AMMECR1: variants seen among roughly 807,000 people sequenced by gnomAD.
AMMECR1 encodes nuclear protein AMMECR1.
Under a neutral mutation model 22.5 loss-of-function variants are expected in AMMECR1, and 3 were observed. The observed-to-expected ratio is 0.13, with a 90% CI of 0.06 to 0.35. The LOEUF is 0.35. AMMECR1 is among the 10% of genes least tolerant of loss of function. The pLI is 1.00. For missense variants in AMMECR1, 235 were observed against 278.7 expected (o/e 0.84, Z 1.12); for synonymous variants, 130 against 116.7 (o/e 1.11, Z -0.74).
intron 2 of AMMECR1, among the ~76,000 whole-genome samples, chrX:110,225,375 T>C (rs764217078): frequency 1.8e-5 from 2 of 112,520 alleles, no homozygotes; most frequent in African/African-American, 3.2e-5. Context: ...CCTTGCATTA[T>C]CACTGTTATC....
rs1160180909 is a variant in AMMECR1 at position 110,228,326 on chromosome X, A to T, written c.585-11694T>A. On this transcript the variant is annotated intron_variant, in intron 2 of 5. Coordinates refer to ENST00000262844, the MANE Select transcript of AMMECR1 (RefSeq NM_015365.3). ...GTGTCCTCCAAGAACAAGGCCCCCT[A>T]AAGTCATGGGGTCAAGCAAATGTCA... is the stretch of plus-strand genomic sequence containing the variant. Among the ~76,000 whole-genome samples the T allele has an allele frequency of 3.6e-5, 4 of 111,346 alleles. No homozygotes were observed. The Admixed American group carries it at 3.8e-4, about 11-fold the overall frequency.
At chrX:110,247,993 G>A (rs2067667890) in intron 2 of AMMECR1, among the ~76,000 whole-genome samples, 2 of 111,889 alleles carry the variant, frequency 1.8e-5, no homozygotes, top group African/African-American at 6.5e-5. Context: ...TTAAAAGAAT[G>A]CATCATAAAA....
intron 1 of AMMECR1, among the ~76,000 whole-genome samples, chrX:110,302,790 C>A (rs1261787666): frequency 9.0e-6 from 1 of 110,631 alleles, no homozygotes; most frequent in Admixed American, 9.6e-5. Context: ...AGGAGAATTG[C>A]TTGAACCCAG....
chrX:110,287,286 G>A (rs1428841089), intron 1 of AMMECR1, among the ~76,000 whole-genome samples: 1 of 112,349 alleles, frequency 8.9e-6, no homozygotes, highest in Non-Finnish European at 1.9e-5. Flanking sequence ...GACTGAGGAG[G>A]AGTCGTTGAA....
At chrX:110,381,507 C>T (rs1269794038) in intron 2 of AMMECR1, among the ~76,000 whole-genome samples, 1 of 111,797 alleles carries the variant, frequency 8.9e-6, no homozygotes, top group Non-Finnish European at 1.9e-5. Flanking sequence ...CTGTGGAAAG[C>T]AGTTAAAGAT....
chrX:110,359,130 G>A (rs147449796), intron 2 of AMMECR1, among the ~76,000 whole-genome samples: 2 of 110,871 alleles, frequency 1.8e-5, no homozygotes, highest in Non-Finnish European at 3.8e-5. Flanking sequence ...TCACATAGCT[G>A]GTTAAGTGCC....
At chrX:110,221,745 G>A (rs1236801574) in intron 2 of AMMECR1, among the ~76,000 whole-genome samples, 1 of 110,971 alleles carries the variant, frequency 9.0e-6, no homozygotes, top group Non-Finnish European at 1.9e-5. Flanking sequence ...GAAGATAGGA[G>A]AGAAAGAAAG....
chrX:110,347,588 C>G (rs2068195790), intron 2 of AMMECR1, among the ~76,000 whole-genome samples: 2 of 112,789 alleles, frequency 1.8e-5, no homozygotes, highest in Non-Finnish European at 3.7e-5. Context: ...ACCTTATTAT[C>G]TGTATTTGGC....
chrX:110,312,651 T>C (rs1033033723), intron 1 of AMMECR1, among the ~76,000 whole-genome samples: 1 of 112,402 alleles, frequency 8.9e-6, no homozygotes, highest in Admixed American at 9.4e-5. Context: ...GTGATTTATA[T>C]TTCTCCATCC....
rs185615063 is a variant in AMMECR1 at position 110,201,953 on chromosome X, A to G, written c.790+493T>C. 7.3e-3 allele frequency among the ~76,000 whole-genome samples: 817 copies of G among 112,097 alleles called. 11 individuals carry two copies. Among genetic ancestry groups the G allele is most frequent in the African/African-American group, 0.025 (782 of 30,924 alleles). ...AAATTCTGATTAGGAAGTGTAGACC[A>G]AGCATATAAAACACTAACACTTCAT... On this transcript the variant is annotated intron_variant, in intron 4 of 5. Transcript: ENST00000262844.
chrX:110,384,300 T>A (rs1183329151), intron 2 of AMMECR1, among the ~76,000 whole-genome samples: 1 of 110,521 alleles, frequency 9.0e-6, no homozygotes, highest in Admixed American at 9.7e-5. Context: ...AGCACTGAAA[T>A]CTGAGAGATT....
chrX:110,248,414 A>T (rs1305530100), intron 2 of AMMECR1, among the ~76,000 whole-genome samples: 9 of 111,174 alleles, frequency 8.1e-5, no homozygotes, highest in Admixed American at 7.6e-4. Context: ...AGAAAAGAAA[A>T]GAAAAAAATA....
chrX:110,427,050 T>G (rs1322260484), intron 1 of AMMECR1, among the ~76,000 whole-genome samples: 1 of 112,389 alleles, frequency 8.9e-6, no homozygotes, highest in African/African-American at 3.2e-5. Context: ...AGCCAGTCAC[T>G]AAGCCCTGCC....
chrX:110,375,941 T>C (rs182485364), intron 2 of AMMECR1, among the ~76,000 whole-genome samples: 1 of 111,764 alleles, frequency 8.9e-6, no homozygotes, highest in African/African-American at 3.2e-5. Context: ...ATAGTTAGCA[T>C]TCATTGACTA....
intron 5 of AMMECR1, among the ~76,000 whole-genome samples, chrX:110,199,373 T>C (rs1270135738): frequency 9.0e-6 from 1 of 111,383 alleles, no homozygotes; most frequent in Non-Finnish European, 1.9e-5. Context: ...CCCTGCCTTG[T>C]AGAATTTTGT....
At chrX:110,335,081 A>T (rs1303553418) in intron 2 of AMMECR1, among the ~76,000 whole-genome samples, 1 of 112,002 alleles carries the variant, frequency 8.9e-6, no homozygotes, top group Non-Finnish European at 1.9e-5. Flanking sequence ...CAACTACATG[A>T]TATTAGACAA....
chrX:110,434,540 G>A (rs1220832194), intron 1 of AMMECR1, among the ~76,000 whole-genome samples: 2 of 111,536 alleles, frequency 1.8e-5, no homozygotes, highest in East Asian at 2.8e-4. Flanking sequence ...GGCTGTCATG[G>A]GGTCAAGGAG....
intron 2 of AMMECR1, among the ~76,000 whole-genome samples, chrX:110,382,211 A>T (rs749028867): frequency 9.0e-6 from 1 of 111,455 alleles, no homozygotes; most frequent in Non-Finnish European, 1.9e-5. Context: ...AACAGAGGAA[A>T]CAAACCACAC....
intron 2 of AMMECR1, among the ~76,000 whole-genome samples, chrX:110,335,512 A>G (rs1026074867): frequency 9.0e-6 from 1 of 111,693 alleles, no homozygotes; most frequent in Non-Finnish European, 1.9e-5. Context: ...GAATCAAACT[A>G]GGGGTTGCCG....
Sources: gnomAD v4.1 joint callset for allele counts (sites outside exome capture counted in the v4.1 genomes callset) on GRCh38, gnomAD v4.1.1 for gene constraint, MANE v1.5 for transcripts, NCBI Gene and HGNC (gene_info 2026-07-23, HGNC 2026-07-21) for gene names.